LZIC: variants seen among roughly 807,000 people sequenced by gnomAD.
LZIC encodes leucine zipper and CTNNBIP1 domain containing.
In LZIC, 28 loss-of-function variants were observed where a neutral mutation model predicts 25.4. The ratio of observed to expected loss-of-function variants is 1.10; its 90% CI spans 0.82 to 1.51. The LOEUF is 1.51. Among genes scored for constraint, LZIC ranks in the 40% most tolerant of loss-of-function variants. LZIC has a pLI of 0.00. For synonymous variants in LZIC, 65 were observed against 70.7 expected, an observed-to-expected ratio of 0.92 and a Z score of 0.40; for missense variants, 170 against 211.1, an observed-to-expected ratio of 0.81 and a Z score of 1.21.
chr1:9,941,500 CTTTTT>C (rs1217006418), intron 2 of LZIC, among the ~76,000 whole-genome samples: 1 of 132,444 alleles, frequency 7.6e-6, no homozygotes. Flanking sequence ...TAGCCTTTAC[CTTTTT>C]TTTTTTTTTT....
intron 5 of LZIC, among the ~76,000 whole-genome samples, chr1:9,933,951 G>A (rs1168924636): frequency 1.3e-5 from 2 of 151,936 alleles, no homozygotes; most frequent in Non-Finnish European, 2.9e-5. Flanking sequence ...AAAAGGCTAG[G>A]CGCAGTGGCT....
rs900464363 is a variant in LZIC, at chr1:9,928,055, TAATCATCCC to T, written c.*2335_*2343del. ...GGCCGGGTATGGTGGCTCATGCCTG[TAATCATCCC>T]AGCACTCTGGGAGGTTGAGGCGGGT... On this transcript the variant is annotated 3_prime_UTR_variant, in exon 8 of 8. Transcript: ENST00000377223. Among the ~76,000 whole-genome samples, 1 of 152,054 alleles carries T rather than the reference TAATCATCCC, an allele frequency of 6.6e-6. No homozygotes were observed. Among genetic ancestry groups the T allele is most frequent in the African/African-American group, 2.4e-5 (1 of 41,412 alleles).
rs1474552837 is a variant in LZIC at position 9,928,607 on chromosome 1, T to C, written c.*1792A>G. Among the ~76,000 whole-genome samples, 5 of 152,154 alleles carry C rather than the reference T, an allele frequency of 3.3e-5. No individual in the cohort carries two copies. Among genetic ancestry groups the C allele is most frequent in the African/African-American group, 1.2e-4 (5 of 41,442 alleles). On this transcript the variant is annotated 3_prime_UTR_variant, in exon 8 of 8. Transcript: ENST00000377223. ...AAAATATGATGATGTCCCGGTGTGG[T>C]AGCTCACACCTATAATCCCAGCACT...
chr1:9,926,004 C>T (rs1456260252), downstream of LZIC, among the ~76,000 whole-genome samples: 4 of 150,752 alleles, frequency 2.7e-5, no homozygotes, highest in East Asian at 7.8e-4. Flanking sequence ...CGCCATTCTC[C>T]TGCCTCAGCC....
intron 2 of LZIC, among the ~76,000 whole-genome samples, chr1:9,941,540 G>A (rs1179051642): frequency 7.7e-6 from 1 of 130,690 alleles, no homozygotes; most frequent in East Asian, 2.3e-4. Context: ...TCACTCTGTC[G>A]CCAGGCTGGA....
rs1251628629 is a variant in LZIC, at chr1:9,932,450, T to C, written c.432+353A>G. On this transcript the variant is annotated intron_variant, in intron 6 of 7. Transcript: ENST00000377223. ...GTAATCCCAACACTTTGGGAGGCTG[T>C]GGCGGGCGGATCACCTGAGGTCAGG... 2.0e-5 allele frequency among the ~76,000 whole-genome samples: 3 copies of C among 149,902 alleles called. No individual in the cohort carries two copies. The East Asian group carries it at 6.0e-4, about 30-fold the overall frequency.
rs1044256643 is a variant in LZIC at position 9,927,609 on chromosome 1, C to G, written c.*2790G>C. 3.3e-5 allele frequency among the ~76,000 whole-genome samples: 5 copies of G among 151,098 alleles called. No homozygotes were observed. Among genetic ancestry groups the G allele is most frequent in the African/African-American group, 1.2e-4 (5 of 41,124 alleles). The stretch of plus-strand genomic sequence containing the variant: ...AGCCACTGTGCCAGGCATTAGGTCC[C>G]TTTCAAATTCAAGATATTCCTAATT... On this transcript the variant is annotated 3_prime_UTR_variant, in exon 8 of 8. Coordinates refer to ENST00000377223, the MANE Select transcript of LZIC (RefSeq NM_032368.5).
chr1:9,929,384 A>G lies in LZIC; in HGVS notation c.*1015T>C, dbSNP rs1640118382. 2.6e-5 allele frequency: 26 copies of G among 985,188 alleles called. No homozygotes were observed. The highest frequency in any genetic ancestry group is 3.0e-5 in the Non-Finnish European group (25 of 829,712). 61.0% of individuals were successfully genotyped at this position (985,188 alleles called of 1,614,324 possible). A position where few individuals can be genotyped will look rare whatever the true frequency, so the allele number is the denominator to read the frequency against. On this transcript the variant is annotated 3_prime_UTR_variant, in exon 8 of 8. Transcript: ENST00000377223. Reference sequence around the variant, plus strand: ...GCTAGAGCCTAAAAAATAAGCTAATATACACGCATAGGGACACATCTGCAT... The same window carrying G: ...GCTAGAGCCTAAAAAATAAGCTAATGTACACGCATAGGGACACATCTGCAT...
At chr1:9,923,518 CTTTTTTTTTTTTTTTTT>C (rs60858066), downstream of LZIC, among the ~76,000 whole-genome samples, 1 of 74,164 alleles carries the variant, frequency 1.3e-5, no homozygotes. Flanking sequence ...CCCAATGCTT[CTTTTTTTTTTTTTTTTT>C]TTTTTTTTTT....
chr1:9,940,342 T>A (rs1237370), intron 2 of LZIC, among the ~76,000 whole-genome samples: 112,867 of 151,736 alleles, frequency 0.74, 44,129 homozygotes, highest in Admixed American at 0.87. Context: ...ACGCCCAGCT[T>A]ATTTTTTTTG....
Position 9,928,438 on chromosome 1 carries a change from T to A in LZIC, c.*1961A>T, listed in dbSNP as rs1640082778. 6.6e-6 allele frequency among the ~76,000 whole-genome samples: 1 copy of A among 152,162 alleles called. No individual in the cohort carries two copies. The highest frequency in any genetic ancestry group is 2.1e-4 in the South Asian group (1 of 4,832). On this transcript the variant is annotated 3_prime_UTR_variant, in exon 8 of 8. Transcript: ENST00000377223. ...TGTACACAAATGTTCACTGAAGCAT[T>A]ATTCACAATAGCCAAAAGAAGGAAA...
rs978672372 is a variant in LZIC, at chr1:9,933,648, G to A, written c.337-750C>T. The stretch of plus-strand genomic sequence containing the variant: ...AGGCCAGGTACAGTGGCTCATGCCT[G>A]TAATCCCACCACTTTGGAAGGCTGA... On this transcript the variant is annotated intron_variant, in intron 5 of 7. Transcript: ENST00000377223. 2.6e-5 allele frequency among the ~76,000 whole-genome samples: 4 copies of A among 152,136 alleles called. No individual in the cohort carries two copies. In the East Asian group the frequency reaches 5.8e-4, roughly 22 times the overall value.
chr1:9,924,155 G>C (rs966676872), downstream of LZIC, among the ~76,000 whole-genome samples: 41 of 152,318 alleles, frequency 2.7e-4, 1 homozygote, highest in African/African-American at 8.7e-4. Flanking sequence ...CAAAGTGCTG[G>C]GATTACAGGC....
chr1:9,932,002 G>T, intron 6 of LZIC, 30 bp from the exon 7 acceptor site: 1 of 1,530,130 alleles, frequency 6.5e-7, no homozygotes, highest in Non-Finnish European at 9.0e-7. Flanking sequence ...GTCCAGTTGA[G>T]TGGGTAAATG....
chr1:9,924,790 T>C (rs1639939634), downstream of LZIC, among the ~76,000 whole-genome samples: 1 of 152,130 alleles, frequency 6.6e-6, no homozygotes, highest in Non-Finnish European at 1.5e-5. Context: ...TAAGCTCCTT[T>C]AGTAGTAAAG....
intron 2 of LZIC, among the ~76,000 whole-genome samples, chr1:9,941,277 C>A (rs935449852): frequency 6.6e-6 from 1 of 151,986 alleles, no homozygotes. Context: ...TCACTGCAAC[C>A]TCTGCCTCCT....
At chr1:9,922,181 CT>C, downstream of LZIC, 1 of 522,676 alleles carries the variant, frequency 1.9e-6, no homozygotes. Context: ...CCCAAAAGCG[CT>C]TACATCATAT....
downstream of LZIC, among the ~76,000 whole-genome samples, chr1:9,922,767 C>A (rs941303173): frequency 6.6e-6 from 1 of 152,222 alleles, no homozygotes; most frequent in East Asian, 1.9e-4. Context: ...ACACTTAGGA[C>A]ATTTTAAAAC....
At chr1:9,934,506 G>C (rs1012965762) in intron 5 of LZIC, among the ~76,000 whole-genome samples, 4 of 152,178 alleles carry the variant, frequency 2.6e-5, no homozygotes, top group Admixed American at 6.5e-5. Flanking sequence ...TTAAGTTAGA[G>C]CTCCAGAAGT....
Sources: gnomAD v4.1 joint callset for allele counts (sites outside exome capture counted in the v4.1 genomes callset) on GRCh38, gnomAD v4.1.1 for gene constraint, MANE v1.5 for transcripts, NCBI Gene and HGNC (gene_info 2026-07-23, HGNC 2026-07-21) for gene names.